The following SNAPC1 variants were observed in gnomAD, a reference collection of about 807,000 sequenced individuals.
The protein encoded by SNAPC1 is snRNA-activating protein complex subunit 1.
Under a neutral mutation model 50.1 loss-of-function variants are expected in SNAPC1, and 42 were observed. That is an observed-to-expected ratio of 0.84 (90% CI 0.65 to 1.08). The LOEUF is 1.08. SNAPC1 is among the 50% of genes least tolerant of loss of function. The pLI, the probability that SNAPC1 is intolerant of heterozygous loss-of-function variation, is 0.00. For synonymous variants in SNAPC1, 164 were observed against 144.2 expected, an observed-to-expected ratio of 1.14 and a Z score of -0.98; for missense variants, 477 against 427.3, an observed-to-expected ratio of 1.12 and a Z score of -1.02.
intron 9 of SNAPC1, among the ~76,000 whole-genome samples, chr14:61,794,660 A>G (rs2045175965): frequency 6.6e-6 from 1 of 152,094 alleles, no homozygotes; most frequent in South Asian, 2.1e-4. Context: ...CGCCCACCTT[A>G]GCCTCCCAGA....
chr14:61,776,345 G>C, intron 5 of SNAPC1, 92 bp downstream of exon 5: 1 of 1,173,736 alleles, frequency 8.5e-7, no homozygotes, highest in South Asian at 1.3e-5. Context: ...TAGTTTTAGA[G>C]GCTGTAATCC....
chr14:61,794,197 T>C (rs2045172126), intron 9 of SNAPC1, among the ~76,000 whole-genome samples: 1 of 152,154 alleles, frequency 6.6e-6, no homozygotes, highest in Admixed American at 6.5e-5. Flanking sequence ...TTCTTCTTAG[T>C]ACTGGCCTAA....
chr14:61,794,094 T>C (rs1031011115), intron 9 of SNAPC1, among the ~76,000 whole-genome samples: 7 of 152,234 alleles, frequency 4.6e-5, no homozygotes, highest in Non-Finnish European at 1.0e-4. Flanking sequence ...GGTTCTGGCA[T>C]CTCCTGTGGT....
At chr14:61,768,612 A>T in intron 3 of SNAPC1, 24 bp from the exon 4 acceptor site, 1 of 1,229,810 alleles carries the variant, frequency 8.1e-7, no homozygotes, top group Non-Finnish European at 1.2e-6. Flanking sequence ...ATACTCATTT[A>T]AAAAGACACG....
rs1349786353 is a variant in SNAPC1, at chr14:61,795,221, T to C, written c.*238T>C. ...ATGGAGATAAAACTTGTATTTAGTA[T>C]GTAATAGAAAAAATTCTGTTATTCG... On this transcript the variant is annotated 3_prime_UTR_variant, in exon 10 of 10. Transcript: ENST00000216294. 1 of 453,844 alleles carries C rather than the reference T, an allele frequency of 2.2e-6. No homozygotes were observed. Among genetic ancestry groups the C allele is most frequent in the Non-Finnish European group, 3.9e-6 (1 of 259,332 alleles). 28.1% of individuals were successfully genotyped at this position (453,844 alleles called of 1,614,324 possible). A position where few individuals can be genotyped will look rare whatever the true frequency, so the allele number is the denominator to read the frequency against.
Position 61,786,936 on chromosome 14 carries a change from C to T in SNAPC1, c.976+4539C>T, listed in dbSNP as rs989590921. Among the ~76,000 whole-genome samples, 3 of 152,306 alleles carry T rather than the reference C, an allele frequency of 2.0e-5. 1 individual carries two copies. The Middle Eastern group carries it at 0.01, about 518-fold the overall frequency. On this transcript the variant is annotated intron_variant, in intron 8 of 9. Transcript: ENST00000216294. The stretch of plus-strand genomic sequence containing the variant: ...GCTGATTGGATAAACTGTGGCATAT[C>T]CATGCAATGAAATACAACCCAGCAA...
intron 1 of SNAPC1, among the ~76,000 whole-genome samples, chr14:61,763,669 AT>A (rs756620620): frequency 8.6e-5 from 13 of 151,862 alleles, no homozygotes; most frequent in Non-Finnish European, 1.8e-4. Context: ...TTTTCCCCGC[AT>A]AGCACCCTGT....
At chr14:61,789,929 G>T (rs1281811735) in intron 8 of SNAPC1, among the ~76,000 whole-genome samples, 3 of 152,148 alleles carry the variant, frequency 2.0e-5, no homozygotes, top group African/African-American at 7.2e-5. Context: ...GGGCTGTTGC[G>T]GTAGTTCAGA....
Position 61,785,285 on chromosome 14 carries a change from C to T in SNAPC1, c.976+2888C>T, listed in dbSNP as rs187542224. On this transcript the variant is annotated intron_variant, in intron 8 of 9. Transcript: ENST00000216294. ...GGCTTGGTGGCACATGCATGTAATCCCAGCTACTTGGGAGACTGAGGCAGA... is the reference window on the plus strand; with the variant it reads ...GGCTTGGTGGCACATGCATGTAATCTCAGCTACTTGGGAGACTGAGGCAGA... Among the ~76,000 whole-genome samples, 711 of 152,196 alleles carry T rather than the reference C, an allele frequency of 4.7e-3. 4 individuals carry two copies. The highest frequency in any genetic ancestry group is 8.7e-3 in the Non-Finnish European group (594 of 67,990).
chr14:61,764,001 C>T (rs527659615), intron 1 of SNAPC1, among the ~76,000 whole-genome samples: 1 of 152,168 alleles, frequency 6.6e-6, no homozygotes, highest in South Asian at 2.1e-4. Context: ...ATGGTGCGAT[C>T]TCCTATCACT....
chr14:61,777,403 C>G (rs1172247855), intron 5 of SNAPC1, among the ~76,000 whole-genome samples: 1 of 152,022 alleles, frequency 6.6e-6, no homozygotes, highest in Non-Finnish European at 1.5e-5. Context: ...TAGACAGGGT[C>G]TTCTTGCTCT....
chr14:61,767,230 G>T lies in SNAPC1; in HGVS notation c.307G>T (p.Asp103Tyr). The T allele has an allele frequency of 6.7e-7, 1 of 1,500,708 alleles. No homozygotes were observed. 93.0% of individuals were successfully genotyped at this position (1,500,708 alleles called of 1,614,324 possible). A position where few individuals can be genotyped will look rare whatever the true frequency, so the allele number is the denominator to read the frequency against. Residue 103 changes from aspartate to tyrosine, a missense_variant, in exon 3 of 10, where the codon GAT becomes TAT. Physicochemically the swap from Asp to Tyr is radical, Grantham distance 160 (BLOSUM62 -3). Transcript: ENST00000216294. ...PKQKIRVALK[D>Y]WDEVLKFQQD... is the part of the protein sequence containing the mutation. ...GTTGCAGATCAGAGTTGCCCTGAAG[G>T]ATTGGGATGAAGTTTTAAAATTTCA...
intron 4 of SNAPC1, among the ~76,000 whole-genome samples, chr14:61,770,104 C>T (rs2044976824): frequency 1.3e-5 from 2 of 152,112 alleles, no homozygotes; most frequent in African/African-American, 4.8e-5. Flanking sequence ...ATATTACACA[C>T]AGTATATACC....
chr14:61,794,445 G>A (rs147195215), intron 9 of SNAPC1, among the ~76,000 whole-genome samples: 1,747 of 152,028 alleles, frequency 0.011, 29 homozygotes, highest in African/African-American at 0.04. Context: ...TCGCTCTGTC[G>A]TCCAGGCTGG....
intron 1 of SNAPC1, among the ~76,000 whole-genome samples, chr14:61,763,276 C>T (rs890082880): frequency 1.3e-5 from 2 of 151,932 alleles, no homozygotes; most frequent in African/African-American, 4.8e-5. Context: ...CAGGAGTGAG[C>T]CACCGCGCCC....
At chr14:61,769,890 A>G (rs143115237) in intron 4 of SNAPC1, among the ~76,000 whole-genome samples, 4 of 152,340 alleles carry the variant, frequency 2.6e-5, no homozygotes, top group Middle Eastern at 3.4e-3. Context: ...ATCTCAGTAC[A>G]GGGTTACAGT....
At chr14:61,764,584 A>T (rs1424350787) in intron 1 of SNAPC1, among the ~76,000 whole-genome samples, 1 of 152,240 alleles carries the variant, frequency 6.6e-6, no homozygotes, top group Admixed American at 6.5e-5. Context: ...TTTCTCCACC[A>T]TTACAAAGAT....
rs1329722495 is a variant in SNAPC1 at position 61,762,518 on chromosome 14, G to T, written c.58G>T (p.Glu20Ter). The stretch of plus-strand genomic sequence containing the variant: ...CGAGGCGCTGCTCAGCCGCTTCCAG[G>T]AGACGGACAGTGTACGCTTCGAGGA... Reference protein sequence around the residue: ...DCEALLSRFQETDSVRFEDFT... With the variant: ...DCEALLSRFQ Residue 20 changes from glutamate (E) to a stop codon, truncating the protein, a stop_gained, in exon 1 of 10, where the codon GAG (glutamate) becomes TAG (stop). Coordinates refer to ENST00000216294, the MANE Select transcript of SNAPC1 (RefSeq NM_003082.4). LOFTEE classifies it high-confidence loss of function. 6.7e-6 allele frequency: 10 copies of T among 1,500,190 alleles called. No homozygotes were observed. The Admixed American group carries it at 9.8e-5, about 15-fold the overall frequency. 92.9% of individuals were successfully genotyped at this position (1,500,190 alleles called of 1,614,324 possible).
At chr14:61,781,965 C>G (rs2045077830) in intron 7 of SNAPC1, among the ~76,000 whole-genome samples, 1 of 152,170 alleles carries the variant, frequency 6.6e-6, no homozygotes, top group African/African-American at 2.4e-5. Flanking sequence ...GCCTCTACAC[C>G]TTTGTTGCCT....
Sources: gnomAD v4.1 joint callset for allele counts (sites outside exome capture counted in the v4.1 genomes callset) on GRCh38, gnomAD v4.1.1 for gene constraint, MANE v1.5 for transcripts, NCBI Gene and HGNC (gene_info 2026-07-23, HGNC 2026-07-21) for gene names.